Variants in RBM4 observed in about 807,000 individuals in gnomAD.
RBM4 encodes the protein RNA binding motif protein 4.
Under a neutral mutation model 29.5 loss-of-function variants are expected in RBM4, and 7 were observed. That is an observed-to-expected ratio of 0.24 (90% CI 0.14 to 0.45). The LOEUF is 0.45. Among genes scored for constraint, RBM4 ranks in the 20% least tolerant of loss-of-function variants. The pLI, the probability that RBM4 is intolerant of heterozygous loss-of-function variation, is 1.00. For missense variants in RBM4, 387 were observed against 502.3 expected (o/e 0.77, Z 2.19); for synonymous variants, 220 against 205.4 (o/e 1.07, Z -0.61).
At chr11:66,650,431 C>T (rs1409801635), downstream of RBM4, among the ~76,000 whole-genome samples, 1 of 152,034 alleles carries the variant, frequency 6.6e-6, no homozygotes, top group Non-Finnish European at 1.5e-5. Flanking sequence ...ATTAGCCGGG[C>T]ATGGTGGTGG....
chr11:66,639,503 T>G, intron 1 of RBM4, 197 bp from the exon 2 acceptor site: 3 of 691,618 alleles, frequency 4.3e-6, no homozygotes, highest in Non-Finnish European at 7.1e-6. Context: ...AGACGTCTTC[T>G]TATTCTTACA....
intron 3 of RBM4, among the ~76,000 whole-genome samples, chr11:66,645,192 T>A (rs1238684066): frequency 6.6e-6 from 1 of 152,226 alleles, no homozygotes. Context: ...TTGAGCCCCA[T>A]GATCCATTTG....
chr11:66,665,812 A>G, intron 2 of RBM4: 1 of 1,473,736 alleles, frequency 6.8e-7, no homozygotes, highest in Non-Finnish European at 9.1e-7. Context: ...ATCTAGCTGA[A>G]GAATGTGTTG....
At chr11:66,648,585 C>T (rs999404551), downstream of RBM4, among the ~76,000 whole-genome samples, 3 of 151,986 alleles carry the variant, frequency 2.0e-5, no homozygotes, top group African/African-American at 7.3e-5. Context: ...GAGGCTGAGG[C>T]AGGTGGAGCA....
downstream of RBM4, chr11:66,646,535 G>C: frequency 1.0e-6 from 1 of 987,862 alleles, no homozygotes; most frequent in Non-Finnish European, 1.2e-6. Context: ...CCTTGAAGGG[G>C]AGGGTATAAA....
downstream of RBM4, among the ~76,000 whole-genome samples, chr11:66,648,258 C>T (rs548904111): frequency 1.3e-5 from 2 of 151,214 alleles, no homozygotes; most frequent in East Asian, 2.0e-4. Flanking sequence ...AGTGACTCAA[C>T]GCCAGTAATC....
At chr11:66,645,428 G>C (rs1171081117) in intron 3 of RBM4, among the ~76,000 whole-genome samples, 2 of 152,060 alleles carry the variant, frequency 1.3e-5, no homozygotes, top group African/African-American at 2.4e-5. Flanking sequence ...AGGGTCATTG[G>C]GTAGGCAGTC....
chr11:66,640,613 G>T (rs1938409047), intron 2 of RBM4: 1 of 187,388 alleles, frequency 5.3e-6, no homozygotes, highest in Admixed American at 5.8e-5. Context: ...TACAGCTCTT[G>T]TTGCTTTTAT....
At chr11:66,646,861 G>A (rs565610327), downstream of RBM4, among the ~76,000 whole-genome samples, 99 of 152,296 alleles carry the variant, frequency 6.5e-4, no homozygotes, top group Non-Finnish European at 1.2e-3. Context: ...GTCAGTTTTC[G>A]CTCTTCGTGC....
At chr11:66,667,994 T>C in exon 3 of RBM4, 1 of 152,778 alleles carries the variant, frequency 6.5e-6, no homozygotes, top group Non-Finnish European at 1.5e-5. Flanking sequence ...AGTGAGCCAC[T>C]GCCTCTGCCT....
intron 2 of RBM4, among the ~76,000 whole-genome samples, chr11:66,657,353 C>T (rs1194752713): frequency 3.3e-5 from 5 of 151,578 alleles, no homozygotes; most frequent in Admixed American, 1.3e-4. Flanking sequence ...TTAGGAACTC[C>T]TGGCTCAAGC....
At position 66,643,620 on chromosome 11, in the gene RBM4, G is replaced by A; in HGVS notation, c.583G>A (p.Gly195Arg). The part of the protein sequence containing the change: ...DLTEQYNEQY[G>R]AVRTPYTMSY... The stretch of plus-strand genomic sequence containing the variant: ...GACCGAGCAATATAATGAGCAATAC[G>A]GAGCAGTGCGTACGCCTTACACCAT... The change falls in exon 3 of 4, where the codon GGA becomes AGA. Residue 195 changes from glycine (G) to arginine (R), a missense_variant. Gly to Arg is a moderately radical substitution (Grantham distance 125). Coordinates refer to ENST00000310092, the MANE Select transcript of RBM4 (RefSeq NM_002896.4). The surrounding 1 kb of genome is among the most constrained non-coding windows in gnomAD (Gnocchi z 6.1). 5.0e-6 allele frequency: 8 copies of A among 1,614,134 alleles called. No individual in the cohort carries two copies. Among genetic ancestry groups the A allele is most frequent in the South Asian group, 1.1e-5 (1 of 91,090 alleles).
intron 2 of RBM4, among the ~76,000 whole-genome samples, chr11:66,653,799 T>C (rs1214707904): frequency 6.6e-6 from 1 of 151,832 alleles, no homozygotes; most frequent in Non-Finnish European, 1.5e-5. Context: ...ATGGGTTTTC[T>C]TTTTTCTCTT....
chr11:66,639,481 C>T (rs944868559), intron 1 of RBM4: 2 of 613,464 alleles, frequency 3.3e-6, no homozygotes, highest in Non-Finnish European at 5.6e-6. Context: ...CTACTAAGGA[C>T]CTCCCTATTG....
chr11:66,652,260 T>G (rs1938847675), intron 2 of RBM4: 1 of 151,950 alleles, frequency 6.6e-6, no homozygotes, highest in South Asian at 2.1e-4. Flanking sequence ...GCCCGGCTAA[T>G]TTTTTTGTAT....
chr11:66,650,377 C>A (rs1213341710), downstream of RBM4, among the ~76,000 whole-genome samples: 1 of 152,030 alleles, frequency 6.6e-6, no homozygotes, highest in African/African-American at 2.4e-5. Flanking sequence ...CAAGACCAGC[C>A]TGTCAAACAT....
At chr11:66,663,544 T>C (rs1394756804) in intron 2 of RBM4, among the ~76,000 whole-genome samples, 1 of 152,142 alleles carries the variant, frequency 6.6e-6, no homozygotes, top group Non-Finnish European at 1.5e-5. Flanking sequence ...TTTTGTATTT[T>C]AGTCTTGATC....
Position 66,660,666 on chromosome 11 carries a change from T to A in RBM4, c.413-5190T>A, listed in dbSNP as rs1167931154. Among the ~76,000 whole-genome samples, 4 of 147,942 alleles carry A rather than the reference T, an allele frequency of 2.7e-5. No individual in the cohort carries two copies. The South Asian group carries it at 6.5e-4, about 24-fold the overall frequency. On this transcript the variant is annotated intron_variant, in intron 2 of 2. Coordinates refer to the RBM4 transcript ENST00000396053. ...GACCTAAACTTTTTTTTTTTTTTTTTAATTTGAGATGGAGTCTTGCTCTGT... is the reference window on the plus strand; with the variant it reads ...GACCTAAACTTTTTTTTTTTTTTTTAAATTTGAGATGGAGTCTTGCTCTGT...
chr11:66,660,649 CTTTT>C (rs746698768), intron 2 of RBM4, among the ~76,000 whole-genome samples: 10 of 132,610 alleles, frequency 7.5e-5, no homozygotes, highest in African/African-American at 2.5e-4. Context: ...CCGACCTAAA[CTTTT>C]TTTTTTTTTT....
Sources: allele counts gnomAD v4.1 joint callset (sites outside exome capture counted in the v4.1 genomes callset), GRCh38; gene constraint gnomAD v4.1.1; non-coding constraint Gnocchi (gnomAD v3.1); transcripts MANE v1.5; gene names NCBI Gene and HGNC (gene_info 2026-07-23, HGNC 2026-07-21).